ATP8A2: variants seen among roughly 807,000 people sequenced by gnomAD.
ATP8A2 encodes the protein ATPase phospholipid transporting 8A2.
Under a neutral mutation model 165.6 loss-of-function variants are expected in ATP8A2, and 100 were observed. The ratio of observed to expected loss-of-function variants is 0.60; its 90% CI spans 0.51 to 0.71. ATP8A2 has a LOEUF of 0.71. Among genes scored for constraint, ATP8A2 ranks in the 30% least tolerant of loss-of-function variants. ATP8A2 has a pLI of 0.00. For synonymous variants in ATP8A2, 543 were observed against 548.8 expected (o/e 0.99, Z 0.15); for missense variants, 1,227 against 1,479.5 (o/e 0.83, Z 2.80).
At chr13:25,788,381 G>A (rs940445598) in intron 27 of ATP8A2, among the ~76,000 whole-genome samples, 1 of 152,110 alleles carries the variant, frequency 6.6e-6, no homozygotes, top group Non-Finnish European at 1.5e-5. Flanking sequence ...CCAACCACAG[G>A]GTTTTCCTAT....
rs143597102 is a variant in ATP8A2 at position 25,918,171 on chromosome 13, G to A, written c.3184-43404G>A. On this transcript the variant is annotated intron_variant, in intron 33 of 36. Coordinates refer to ENST00000381655, the MANE Select transcript of ATP8A2 (RefSeq NM_016529.6). ...ATAAGGAGCATTTCAGAAATAAAAGGGCAATGGTGCAGCTTGAAGGATAGG... is the reference window on the plus strand; with the variant it reads ...ATAAGGAGCATTTCAGAAATAAAAGAGCAATGGTGCAGCTTGAAGGATAGG... Among the ~76,000 whole-genome samples the A allele has an allele frequency of 2.6e-5, 4 of 152,286 alleles. No homozygotes were observed. The East Asian group carries it at 7.7e-4, about 29-fold the overall frequency.
intron 35 of ATP8A2, among the ~76,000 whole-genome samples, chr13:25,990,659 G>A (rs1566332289): frequency 6.6e-6 from 1 of 152,202 alleles, no homozygotes; most frequent in Non-Finnish European, 1.5e-5. Context: ...TTCTGAGTAG[G>A]TAAGCAGCAT....
rs1649038701 is a variant in ATP8A2 at position 25,551,383 on chromosome 13, A to T, written c.937A>T (p.Thr313Ser). The T allele has an allele frequency of 6.2e-7, 1 of 1,614,138 alleles. No individual in the cohort carries two copies. Among genetic ancestry groups the T allele is most frequent in the African/African-American group, 1.3e-5 (1 of 75,048 alleles). The change falls in exon 11 of 37, where the codon ACT becomes TCT. Residue 313 changes from threonine to serine, a missense_variant. Physicochemically the swap from Thr to Ser is moderately conservative, Grantham distance 58. Around this residue, in one of 5 missense-constraint regions of ATP8A2, gnomAD observed 356 missense variants for 394.9 expected, o/e 0.90. Coordinates refer to ENST00000381655, the MANE Select transcript of ATP8A2 (RefSeq NM_016529.6). ...CAAGAGATCAAATGTTGAGAAGGTG[A>T]CTAACGTGCAGATCCTGGTGTTGTT... The part of the protein sequence containing the change: ...PLKRSNVEKV[T>S]NVQILVLFGI...
chr13:25,706,244 A>G (rs2137953631), intron 25 of ATP8A2, among the ~76,000 whole-genome samples: 1 of 152,288 alleles, frequency 6.6e-6, no homozygotes, highest in South Asian at 2.1e-4. Context: ...TTATTTTGTG[A>G]AAGTATGTAT....
intron 1 of ATP8A2, among the ~76,000 whole-genome samples, chr13:25,447,708 T>C: frequency 6.6e-6 from 1 of 152,206 alleles, no homozygotes; most frequent in East Asian, 1.9e-4. Flanking sequence ...GACAGCCTTG[T>C]ACTCTGCCAT....
intron 33 of ATP8A2, among the ~76,000 whole-genome samples, chr13:25,866,136 A>G (rs575064838): frequency 6.6e-6 from 1 of 152,300 alleles, no homozygotes; most frequent in South Asian, 2.1e-4. Flanking sequence ...TTCTTCATGC[A>G]TTTCCCAGCA....
intron 25 of ATP8A2, among the ~76,000 whole-genome samples, chr13:25,714,346 C>T (rs535936497): frequency 1.4e-3 from 210 of 152,238 alleles, no homozygotes; most frequent in African/African-American, 4.9e-3. Flanking sequence ...GCAAACTCAC[C>T]TGATTCAGGT....
intron 33 of ATP8A2, among the ~76,000 whole-genome samples, chr13:25,880,022 G>A (rs1437410185): frequency 6.6e-6 from 1 of 152,200 alleles, no homozygotes; most frequent in Non-Finnish European, 1.5e-5. Flanking sequence ...CTTTAAAAAG[G>A]TAGGTGGTGA....
At chr13:25,740,202 A>G (rs569933835) in intron 25 of ATP8A2, among the ~76,000 whole-genome samples, 1,666 of 151,278 alleles carry the variant, frequency 0.011, 27 homozygotes, top group African/African-American at 0.036. Context: ...CCAGCTTCTC[A>G]GGAGGCTGAG....
chr13:25,710,862 A>C (rs1179877593), intron 25 of ATP8A2, among the ~76,000 whole-genome samples: 3 of 127,486 alleles, frequency 2.4e-5, no homozygotes, highest in Non-Finnish European at 3.7e-5. Flanking sequence ...CACTCAAGCT[A>C]TCGTGATGTC....
chr13:25,766,294 A>G (rs745956956), intron 25 of ATP8A2, among the ~76,000 whole-genome samples: 5 of 152,226 alleles, frequency 3.3e-5, no homozygotes, highest in Admixed American at 6.5e-5. Flanking sequence ...TTAAGTTTCT[A>G]ATTATTAAGT....
At position 25,968,698 on chromosome 13, in the gene ATP8A2, G is replaced by A. The variant is rs757613131; in HGVS notation, c.3377+19G>A. The A allele has an allele frequency of 6.3e-7, 1 of 1,589,562 alleles. No homozygotes were observed. The highest frequency in any genetic ancestry group is 1.1e-5 in the South Asian group (1 of 89,072). ...GAAAGAGGTGGGGAACTCCGTCCCA[G>A]TCCGCACAGAACACAGGTGCTCCCG... On this transcript the variant is annotated intron_variant, in intron 35 of 36. Transcript: ENST00000381655.
At chr13:25,995,844 T>G (rs974445278) in intron 35 of ATP8A2, among the ~76,000 whole-genome samples, 4 of 152,190 alleles carry the variant, frequency 2.6e-5, no homozygotes, top group African/African-American at 9.6e-5. Context: ...ATTTTCCATT[T>G]GTACTATCCA....
intron 1 of ATP8A2, among the ~76,000 whole-genome samples, chr13:25,410,909 C>A (rs1012613255): frequency 6.6e-6 from 1 of 152,210 alleles, no homozygotes; most frequent in African/African-American, 2.4e-5. Flanking sequence ...CTCCTTTAAC[C>A]ATTTTCCTTT....
intron 33 of ATP8A2, among the ~76,000 whole-genome samples, chr13:25,894,268 C>A (rs996954008): frequency 2.0e-5 from 3 of 152,176 alleles, no homozygotes; most frequent in African/African-American, 7.2e-5. Context: ...CCAGTTTTCC[C>A]AGCACCATTT....
intron 6 of ATP8A2, among the ~76,000 whole-genome samples, chr13:25,537,690 A>G (rs1381273861): frequency 1.3e-5 from 2 of 152,178 alleles, no homozygotes; most frequent in South Asian, 2.1e-4. Flanking sequence ...GTATTTGTAA[A>G]TGGATGCATA....
At chr13:25,957,284 C>T (rs888767219) in intron 33 of ATP8A2, among the ~76,000 whole-genome samples, 2 of 152,062 alleles carry the variant, frequency 1.3e-5, no homozygotes, top group Non-Finnish European at 2.9e-5. Context: ...TCTAATTAAA[C>T]TAAAGAGCAT....
intron 13 of ATP8A2, among the ~76,000 whole-genome samples, chr13:25,557,532 T>C (rs1030099599): frequency 6.6e-6 from 1 of 152,188 alleles, no homozygotes; most frequent in African/African-American, 2.4e-5. Context: ...CTGTCTTCTA[T>C]GTTCCCATAA....
chr13:25,990,982 C>T (rs1956378840), intron 35 of ATP8A2, among the ~76,000 whole-genome samples: 1 of 152,122 alleles, frequency 6.6e-6, no homozygotes, highest in Non-Finnish European at 1.5e-5. Flanking sequence ...GGAGCTCAGC[C>T]TTGCAAGTCG....
Sources: gnomAD v4.1 joint callset for allele counts (sites outside exome capture counted in the v4.1 genomes callset) on GRCh38, gnomAD v4.1.1 for gene constraint, gnomAD v4.1.1 regional missense constraint, MANE v1.5 for transcripts, NCBI Gene and HGNC (gene_info 2026-07-23, HGNC 2026-07-21) for gene names.